The following EFCAB6 variants were observed in gnomAD, a reference collection of about 807,000 sequenced individuals.
EFCAB6 encodes EF-hand calcium-binding domain-containing protein 6.
EFCAB6 carries 156 observed loss-of-function variants against 169.8 expected under a neutral mutation model. The observed-to-expected ratio is 0.92, with a 90% CI of 0.81 to 1.05. EFCAB6 has a LOEUF of 1.05. Ranked by LOEUF, EFCAB6 falls within the 50% of genes least tolerant of loss-of-function variation. EFCAB6 has a pLI of 0.00. For synonymous variants in EFCAB6, 698 were observed against 676.4 expected, an observed-to-expected ratio of 1.03 and a Z score of -0.50; for missense variants, 1,800 against 1,829.1, an observed-to-expected ratio of 0.98 and a Z score of 0.29.
In EFCAB6 at chr22:43,530,804, G is replaced by C; in HGVS notation, c.4383+11C>G. 6.2e-7 allele frequency: 1 copy of C among 1,613,270 alleles called. No individual in the cohort carries two copies. The highest frequency in any genetic ancestry group is 8.5e-7 in the Non-Finnish European group (1 of 1,180,038). Reference sequence around the variant, plus strand: ...TCCCTGCAGAGGCACTGGGCGCAGAGCTGTGCTCACCGTCCTGAAATCTGC... The same window carrying C: ...TCCCTGCAGAGGCACTGGGCGCAGACCTGTGCTCACCGTCCTGAAATCTGC... On this transcript the variant is annotated intron_variant, in intron 31 of 31. Transcript: ENST00000262726.
chr22:43,769,281 T>C (rs553958807), intron 4 of EFCAB6, among the ~76,000 whole-genome samples: 1 of 152,192 alleles, frequency 6.6e-6, no homozygotes, highest in Admixed American at 6.5e-5. Flanking sequence ...CCAGAATCTA[T>C]AATGACAAAT....
intron 26 of EFCAB6, among the ~76,000 whole-genome samples, chr22:43,565,064 G>A (rs983348929): frequency 3.3e-5 from 5 of 152,154 alleles, no homozygotes; most frequent in East Asian, 1.9e-4. Context: ...GTATTTCCCC[G>A]CCCCTTGGCT....
intron 8 of EFCAB6, among the ~76,000 whole-genome samples, chr22:43,730,931 T>G (rs2059925762): frequency 6.6e-6 from 1 of 152,136 alleles, no homozygotes; most frequent in Admixed American, 6.5e-5. Flanking sequence ...TAGAACATGG[T>G]CCCTGAATAT....
At position 43,635,230 on chromosome 22, in the gene EFCAB6, CAG is replaced by C. The variant is rs779449408; in HGVS notation, c.1984-16_1984-15del. Reference sequence around the variant, plus strand: ...GTCTTCCAGTACCTGACGAGGGAGACAGGGGAGGGTGGAGAGGCGTTAGGTGG... The same window carrying C: ...GTCTTCCAGTACCTGACGAGGGAGACGGGAGGGTGGAGAGGCGTTAGGTGG... On this transcript the variant is annotated splice_polypyrimidine_tract_variant and intron_variant, in intron 17 of 31. Transcript: ENST00000262726. The C allele has an allele frequency of 1.9e-4, 308 of 1,605,738 alleles. No homozygotes were observed. Among genetic ancestry groups the C allele is most frequent in the African/African-American group, 1.3e-3 (99 of 74,854 alleles).
intron 10 of EFCAB6, among the ~76,000 whole-genome samples, chr22:43,691,893 A>T (rs1208614648): frequency 6.6e-6 from 1 of 152,170 alleles, no homozygotes; most frequent in Non-Finnish European, 1.5e-5. Context: ...AATCCATGCT[A>T]ACAGGAGAAC....
chr22:43,559,250 CA>C (rs1373046827), intron 26 of EFCAB6, among the ~76,000 whole-genome samples: 2 of 152,082 alleles, frequency 1.3e-5, no homozygotes, highest in African/African-American at 4.8e-5. Context: ...GGCCAATAAA[CA>C]TATGAAAAAA....
intron 9 of EFCAB6, among the ~76,000 whole-genome samples, chr22:43,714,218 A>C (rs2007408): frequency 6.6e-6 from 1 of 151,868 alleles, no homozygotes; most frequent in African/African-American, 2.4e-5. Flanking sequence ...GAAGAATCTC[A>C]ATGAAGCAGA....
At position 43,555,060 on chromosome 22, in the gene EFCAB6, G is replaced by A; in HGVS notation, c.3457C>T (p.Pro1153Ser). 1 of 1,614,184 alleles carries A rather than the reference G, an allele frequency of 6.2e-7. No individual in the cohort carries two copies. The highest frequency in any genetic ancestry group is 8.5e-7 in the Non-Finnish European group (1 of 1,180,038). The change falls in exon 27 of 32, where the codon CCG (proline) becomes TCG (serine). Residue 1153 changes from proline to serine, a missense_variant. Transcript: ENST00000262726. ...DEWAEKMPKG[P>S]PPTSPKATAD... ...GTGGCCTTGGGAGAGGTAGGCGGCG[G>A]GCCTTTGGGCATTTTCTCAGCCCAC...
At chr22:43,550,186 G>C (rs866367833) in intron 27 of EFCAB6, among the ~76,000 whole-genome samples, 17 of 152,204 alleles carry the variant, frequency 1.1e-4, no homozygotes, top group African/African-American at 4.1e-4. Flanking sequence ...AGGAGCCTGG[G>C]GGGTACTGTG....
intron 24 of EFCAB6, among the ~76,000 whole-genome samples, chr22:43,589,280 C>CAAAAAAAAAAAAAAAAAAAAA (rs1163346832): frequency 1.2e-5 from 1 of 80,934 alleles, no homozygotes; most frequent in Non-Finnish European, 2.4e-5. Context: ...GACTTCATGT[C>CAAAAAAAAAAAAAAAAAAAAA]AAAAAAAAAA....
chr22:43,766,347 T>C (rs145721504), intron 4 of EFCAB6, among the ~76,000 whole-genome samples: 2 of 152,226 alleles, frequency 1.3e-5, no homozygotes, highest in East Asian at 3.9e-4. Flanking sequence ...TCAAGTGTTT[T>C]TAAATATATA....
chr22:43,620,015 C>A (rs886134143), intron 20 of EFCAB6, among the ~76,000 whole-genome samples: 1 of 152,122 alleles, frequency 6.6e-6, no homozygotes, highest in Non-Finnish European at 1.5e-5. Flanking sequence ...TCAAAAAAAT[C>A]ATCTCTAAAG....
chr22:43,633,097 G>T (rs73887365), intron 18 of EFCAB6, among the ~76,000 whole-genome samples: 5,179 of 152,260 alleles, frequency 0.034, 266 homozygotes, highest in African/African-American at 0.12. Flanking sequence ...TTTACCTAGG[G>T]GGTGGTGAGG....
chr22:43,735,213 A>G (rs992019807), intron 7 of EFCAB6, among the ~76,000 whole-genome samples: 21 of 152,202 alleles, frequency 1.4e-4, no homozygotes, highest in African/African-American at 4.1e-4. Context: ...ATGCCCGTGC[A>G]GGCTTCTGTG....
chr22:43,608,666 C>A, intron 21 of EFCAB6, 66 bp from the exon 22 acceptor site: 2 of 1,460,432 alleles, frequency 1.4e-6, no homozygotes, highest in Non-Finnish European at 1.9e-6. Context: ...AAAAGATGTT[C>A]AATTAGTCAA....
At chr22:43,529,535 G>GC (rs2046934535) in intron 31 of EFCAB6, among the ~76,000 whole-genome samples, 1 of 152,324 alleles carries the variant, frequency 6.6e-6, no homozygotes, top group Admixed American at 6.5e-5. Context: ...AGCCTCTCTT[G>GC]CAGCTAGGTA....
chr22:43,613,241 C>A (rs1217604901), intron 21 of EFCAB6, among the ~76,000 whole-genome samples: 1 of 148,100 alleles, frequency 6.8e-6, no homozygotes, highest in Admixed American at 6.8e-5. Flanking sequence ...ATATTCATAT[C>A]ATATATTTAT....
intron 6 of EFCAB6, among the ~76,000 whole-genome samples, chr22:43,737,123 C>A (rs1251137506): frequency 7.9e-5 from 12 of 152,126 alleles, no homozygotes; most frequent in Admixed American, 7.9e-4. Flanking sequence ...CCCAACTCAC[C>A]GCCTCTTCCA....
chr22:43,683,952 T>A, intron 11 of EFCAB6, 97 bp from the exon 12 acceptor site: 1 of 873,848 alleles, frequency 1.1e-6, no homozygotes, highest in Non-Finnish European at 1.9e-6. Context: ...CACAATACAG[T>A]AGAGCTTTCT....
Sources: allele counts gnomAD v4.1 joint callset (sites outside exome capture counted in the v4.1 genomes callset), GRCh38; gene constraint gnomAD v4.1.1; transcripts MANE v1.5; gene names NCBI Gene and HGNC (gene_info 2026-07-23, HGNC 2026-07-21).